The following ACOXL variants were observed in gnomAD, a reference collection of about 807,000 sequenced individuals.
The protein encoded by ACOXL is acyl-CoA oxidase like.
A neutral mutation model predicts 71.9 loss-of-function variants in ACOXL; 70 were observed. That is an observed-to-expected ratio of 0.97 (90% CI 0.80 to 1.19). The LOEUF (loss-of-function observed/expected upper bound fraction) is 1.19. Among genes scored for constraint, ACOXL ranks in the 50% most tolerant of loss-of-function variants. The probability of loss-of-function intolerance (pLI) is 0.00; values close to 1 mark genes in which losing one functional copy is unlikely to be tolerated. For missense variants in ACOXL, 703 were observed against 736.3 expected, an observed-to-expected ratio of 0.95 and a Z score of 0.52; for synonymous variants, 253 against 281.6, an observed-to-expected ratio of 0.90 and a Z score of 1.02.
At chr2:110,974,754 G>C (rs2062369622) in intron 12 of ACOXL, among the ~76,000 whole-genome samples, 1 of 152,232 alleles carries the variant, frequency 6.6e-6, no homozygotes, top group African/African-American at 2.4e-5. Context: ...CCCATGGCAA[G>C]ATATGTGCCT....
chr2:111,030,316 G>C (rs1407477991), intron 14 of ACOXL, among the ~76,000 whole-genome samples: 1 of 152,142 alleles, frequency 6.6e-6, no homozygotes, highest in African/African-American at 2.4e-5. Context: ...CCTGAGAGTT[G>C]CATGCATCTG....
chr2:110,867,561 T>C (rs528951275), intron 10 of ACOXL, among the ~76,000 whole-genome samples: 51 of 152,248 alleles, frequency 3.3e-4, no homozygotes, highest in African/African-American at 1.2e-3. Flanking sequence ...TCTTGCATGA[T>C]GAATAATCGG....
At chr2:110,812,114 T>C (rs1687406166) in intron 9 of ACOXL, among the ~76,000 whole-genome samples, 1 of 152,208 alleles carries the variant, frequency 6.6e-6, no homozygotes, top group Admixed American at 6.5e-5. Flanking sequence ...TGAGTAATTG[T>C]TGGACTCAAG....
chr2:111,117,774 A>G lies in ACOXL; in HGVS notation c.1701A>G (p.Glu567=). 1 of 1,551,132 alleles carries G rather than the reference A, an allele frequency of 6.4e-7. No individual in the cohort carries two copies. The highest frequency in any genetic ancestry group is 8.7e-7 in the Non-Finnish European group (1 of 1,146,824). ...CACCGCTGCAGCCGCGGCCACGGGA[A>G]GAGGCGCGCTCCCGGCGGCCCAAGC... ...YPAPLQPRPR[E]EARSRRPKLG... Residue 567 remains glutamate (E), a synonymous_variant, in exon 18 of 18, where the codon GAA becomes GAG. Transcript: ENST00000439055.
chr2:110,917,891 A>G (rs924150340), intron 11 of ACOXL, among the ~76,000 whole-genome samples: 3 of 152,214 alleles, frequency 2.0e-5, no homozygotes, highest in Non-Finnish European at 2.9e-5. Context: ...ACTGCTGCTC[A>G]AGGAAATAAG....
intron 2 of ACOXL, among the ~76,000 whole-genome samples, chr2:110,779,757 T>G (rs539629771): frequency 9.8e-5 from 15 of 152,340 alleles, no homozygotes; most frequent in African/African-American, 2.6e-4. Context: ...GATAAGCATA[T>G]GGGAAGAAAG....
At chr2:110,737,269 C>T (rs1482051652) in intron 1 of ACOXL, among the ~76,000 whole-genome samples, 1 of 152,156 alleles carries the variant, frequency 6.6e-6, no homozygotes, top group African/African-American at 2.4e-5. Context: ...TCTCAATTCT[C>T]TTACTTCATT....
intron 13 of ACOXL, among the ~76,000 whole-genome samples, chr2:110,994,382 CA>C (rs1342714866): frequency 1.3e-5 from 2 of 152,010 alleles, no homozygotes; most frequent in African/African-American, 2.4e-5. Flanking sequence ...ATCTCAAAAG[CA>C]CTGCGTCAAT....
chr2:110,984,043 A>C (rs552790876), intron 12 of ACOXL, among the ~76,000 whole-genome samples: 33 of 152,060 alleles, frequency 2.2e-4, no homozygotes, highest in African/African-American at 6.8e-4. Context: ...ACGGGGTTTC[A>C]CTATGTTGGC....
chr2:110,758,168 T>C (rs1226989469), intron 1 of ACOXL, among the ~76,000 whole-genome samples: 1 of 152,224 alleles, frequency 6.6e-6, no homozygotes, highest in Non-Finnish European at 1.5e-5. Context: ...CCATTCCTTG[T>C]TTTTGTCAGG....
chr2:110,995,874 C>T lies in ACOXL; in HGVS notation c.1170-19C>T, dbSNP rs758678886. 31 of 1,588,072 alleles carry T rather than the reference C, an allele frequency of 2.0e-5. 1 individual carries two copies. The highest frequency in any genetic ancestry group is 2.6e-5 in the Non-Finnish European group (30 of 1,156,892). On this transcript the variant is annotated intron_variant, in intron 13 of 17. Coordinates refer to ENST00000439055, the MANE Select transcript of ACOXL (RefSeq NM_001142807.4). ...GTGAGGCCAAAATAATAATGATGGT[C>T]ACCGTGATTTTCTTTCAGTTTCCTG...
In ACOXL at chr2:111,031,632, G is replaced by A. The variant is rs767376164; in HGVS notation, c.1287G>A (p.Lys429=). 5 of 1,614,046 alleles carry A rather than the reference G, an allele frequency of 3.1e-6. No homozygotes were observed. The highest frequency in any genetic ancestry group is 1.1e-5 in the South Asian group (1 of 91,088). The change falls in exon 15 of 18, where the codon AAG becomes AAA. Residue 429 remains lysine, a synonymous_variant. Coordinates refer to ENST00000439055, the MANE Select transcript of ACOXL (RefSeq NM_001142807.4). ...TTCTTCTGTCGATTGGACAGGTAAA[G>A]ACCAAGAAGGAGGATTTTTTCCATG... ...GLVARIYYKV[K]TKKEDFFHAW...
intron 15 of ACOXL, among the ~76,000 whole-genome samples, chr2:111,042,638 G>A (rs2065837933): frequency 1.3e-5 from 2 of 152,340 alleles, no homozygotes; most frequent in African/African-American, 4.8e-5. Context: ...TTGAGAGAAT[G>A]AGCCTGGAAA....
At chr2:110,776,455 G>T (rs1682664196) in intron 2 of ACOXL, among the ~76,000 whole-genome samples, 1 of 152,162 alleles carries the variant, frequency 6.6e-6, no homozygotes, top group African/African-American at 2.4e-5. Context: ...TTTAAGTGAA[G>T]ATGTAAAGGT....
chr2:110,957,068 G>A (rs771154437), intron 12 of ACOXL, among the ~76,000 whole-genome samples: 1 of 151,996 alleles, frequency 6.6e-6, no homozygotes, highest in Non-Finnish European at 1.5e-5. Flanking sequence ...TCTATCCCAT[G>A]TTTCTTTCTC....
intron 16 of ACOXL, among the ~76,000 whole-genome samples, chr2:111,070,785 A>G (rs2067304786): frequency 6.6e-6 from 1 of 151,928 alleles, no homozygotes; most frequent in Admixed American, 6.6e-5. Flanking sequence ...GGATACAGCT[A>G]TGTTTCATCT....
In ACOXL at chr2:110,800,406, T is replaced by G. The variant is rs116626620; in HGVS notation, c.548-1246T>G. ...TACAGAGAACAGAAGCCATTTAGAT[T>G]AGAGCCTACCCCAATGACCTCATTT... On this transcript the variant is annotated intron_variant, in intron 7 of 17. Transcript: ENST00000439055. Among the ~76,000 whole-genome samples, 1,143 of 152,320 alleles carry G rather than the reference T, an allele frequency of 7.5e-3. 11 individuals are homozygous for G. The highest frequency in any genetic ancestry group is 0.044 in the Middle Eastern group (13 of 294).
chr2:111,117,978 G>T lies in ACOXL; in HGVS notation c.*162G>T. ...GGTCCCGCCGAGGCTGGCGAGGTGCGCGGCTGGCTGCTAGGAAAGAGATCC... is the reference window on the plus strand; with the variant it reads ...GGTCCCGCCGAGGCTGGCGAGGTGCTCGGCTGGCTGCTAGGAAAGAGATCC... On this transcript the variant is annotated 3_prime_UTR_variant, in exon 18 of 18. Transcript: ENST00000439055. 1 of 810,014 alleles carries T rather than the reference G, an allele frequency of 1.2e-6. No individual in the cohort carries two copies. The highest frequency in any genetic ancestry group is 1.9e-6 in the Non-Finnish European group (1 of 528,754). The allele number at this position is 810,014 out of a possible 1,614,324, so 50.2% of individuals were successfully genotyped here.
intron 1 of ACOXL, among the ~76,000 whole-genome samples, chr2:110,741,557 T>TTG (rs1470782170): frequency 2.0e-5 from 3 of 152,020 alleles, no homozygotes; most frequent in African/African-American, 7.2e-5. Context: ...ACCCGCGTGT[T>TTG]TGTGTGTGTA....
Sources: allele counts gnomAD v4.1 joint callset (sites outside exome capture counted in the v4.1 genomes callset), GRCh38; gene constraint gnomAD v4.1.1; transcripts MANE v1.5; gene names NCBI Gene and HGNC (gene_info 2026-07-23, HGNC 2026-07-21).